The following CACNA2D3 variants were observed in gnomAD, a reference collection of about 807,000 sequenced individuals.
The protein encoded by CACNA2D3 is calcium voltage-gated channel auxiliary subunit alpha2delta 3.
Under a neutral mutation model 160.6 loss-of-function variants are expected in CACNA2D3, and 60 were observed. The observed-to-expected ratio is 0.37, with a 90% confidence interval of 0.30 to 0.46. The LOEUF is 0.46. Ranked by LOEUF, CACNA2D3 falls within the 20% of genes least tolerant of loss-of-function variation. The pLI, the probability that CACNA2D3 is intolerant of heterozygous loss-of-function variation, is 1.00. For synonymous variants in CACNA2D3, 558 were observed against 492.9 expected, an observed-to-expected ratio of 1.13 and a Z score of -1.75; for missense variants, 1,205 against 1,365.0, an observed-to-expected ratio of 0.88 and a Z score of 1.85.
intron 9 of CACNA2D3, among the ~76,000 whole-genome samples, chr3:54,618,779 T>G (rs1399872643): frequency 2.6e-5 from 4 of 152,136 alleles, no homozygotes; most frequent in African/African-American, 9.7e-5. Flanking sequence ...AGGTGATGGT[T>G]TGATGCAGAC....
At chr3:54,244,734 A>G (rs999416594) in intron 2 of CACNA2D3, among the ~76,000 whole-genome samples, 2 of 152,278 alleles carry the variant, frequency 1.3e-5, no homozygotes, top group Non-Finnish European at 2.9e-5. Flanking sequence ...TATTTAAATC[A>G]AACAGCAATT....
intron 4 of CACNA2D3, among the ~76,000 whole-genome samples, chr3:54,422,816 A>G (rs968985965): frequency 1.9e-4 from 29 of 152,318 alleles, no homozygotes; most frequent in African/African-American, 6.5e-4. Context: ...ACGCCTTGCA[A>G]TCTGCCTACA....
At chr3:54,400,646 C>G (rs1699441916) in intron 4 of CACNA2D3, among the ~76,000 whole-genome samples, 1 of 152,144 alleles carries the variant, frequency 6.6e-6, no homozygotes, top group Admixed American at 6.5e-5. Context: ...TTGATCACAG[C>G]TGAAGAAGCT....
intron 10 of CACNA2D3, among the ~76,000 whole-genome samples, chr3:54,641,501 G>A (rs536289024): frequency 7.2e-5 from 11 of 152,188 alleles, no homozygotes; most frequent in Admixed American, 1.3e-4. Context: ...AGATGTCAAA[G>A]TCTTAGTTGA....
intron 14 of CACNA2D3, among the ~76,000 whole-genome samples, chr3:54,823,242 A>G (rs1356366964): frequency 1.3e-5 from 2 of 152,108 alleles, no homozygotes; most frequent in African/African-American, 4.8e-5. Flanking sequence ...AAGGGGAAAA[A>G]TCAGGGTTTA....
chr3:54,236,118 C>CA (rs1283585569), intron 2 of CACNA2D3, among the ~76,000 whole-genome samples: 12 of 152,174 alleles, frequency 7.9e-5, no homozygotes, highest in Admixed American at 3.3e-4. Flanking sequence ...GAATACTCTA[C>CA]AAAATACCTG....
At chr3:55,010,547 A>G (rs1703188039) in intron 34 of CACNA2D3, among the ~76,000 whole-genome samples, 1 of 152,106 alleles carries the variant, frequency 6.6e-6, no homozygotes, top group African/African-American at 2.4e-5. Flanking sequence ...CTCATGTGCT[A>G]TTTCTCAGAT....
chr3:55,067,109 G>GGA (rs3061783), intron 35 of CACNA2D3, among the ~76,000 whole-genome samples: 1 of 151,268 alleles, frequency 6.6e-6, no homozygotes, highest in Admixed American at 6.6e-5. Context: ...AGCGGGGGGG[G>GGA]CTTTTCTCCT....
intron 9 of CACNA2D3, among the ~76,000 whole-genome samples, chr3:54,612,320 A>G (rs1698762589): frequency 6.6e-6 from 1 of 152,202 alleles, no homozygotes; most frequent in Non-Finnish European, 1.5e-5. Flanking sequence ...AAACCCTCTC[A>G]TGGATTCTCC....
At chr3:54,442,644 C>G (rs986393090) in intron 4 of CACNA2D3, among the ~76,000 whole-genome samples, 7 of 152,176 alleles carry the variant, frequency 4.6e-5, no homozygotes, top group African/African-American at 1.7e-4. Flanking sequence ...GTAGCAGCAT[C>G]AAATCTTTAG....
At position 55,028,248 on chromosome 3, in the gene CACNA2D3, TATAAC is replaced by T. The variant is rs572663616; in HGVS notation, c.2987+9935_2987+9939del. On this transcript the variant is annotated intron_variant, in intron 35 of 37. Coordinates refer to ENST00000474759, the MANE Select transcript of CACNA2D3 (RefSeq NM_018398.3). The stretch of plus-strand genomic sequence containing the variant: ...ATGTCTATAGCATAGACAGATCTGT[TATAAC>T]ATACAGGGACAGTATGTAGTGTTTT... Among the ~76,000 whole-genome samples the T allele has an allele frequency of 2.0e-4, 30 of 152,294 alleles. 1 individual carries two copies. In the South Asian group the frequency reaches 6.2e-3, roughly 32 times the overall value.
chr3:55,028,429 T>A (rs886582726), intron 35 of CACNA2D3, among the ~76,000 whole-genome samples: 1 of 152,196 alleles, frequency 6.6e-6, no homozygotes, highest in Non-Finnish European at 1.5e-5. Context: ...ATTAAATTAA[T>A]CTGTTATTCA....
At chr3:54,951,048 A>G (rs776987564) in intron 27 of CACNA2D3, among the ~76,000 whole-genome samples, 7 of 152,244 alleles carry the variant, frequency 4.6e-5, no homozygotes, top group Non-Finnish European at 8.8e-5. Flanking sequence ...AAATTCATAG[A>G]AAATGTAACT....
chr3:54,620,724 C>A (rs998336140), intron 9 of CACNA2D3, among the ~76,000 whole-genome samples: 5 of 152,132 alleles, frequency 3.3e-5, no homozygotes, highest in African/African-American at 4.8e-5. Context: ...TTATCAGGGA[C>A]GTAGAGAGCT....
chr3:54,837,640 A>G (rs1422902293), intron 15 of CACNA2D3, among the ~76,000 whole-genome samples: 1 of 152,166 alleles, frequency 6.6e-6, no homozygotes, highest in African/African-American at 2.4e-5. Flanking sequence ...GTCTGAAATC[A>G]AGATGTCAGC....
At chr3:54,159,631 T>G (rs1453355847) in intron 2 of CACNA2D3, among the ~76,000 whole-genome samples, 1 of 152,184 alleles carries the variant, frequency 6.6e-6, no homozygotes, top group African/African-American at 2.4e-5. Flanking sequence ...ATCATCAAGT[T>G]CCCATGGGCT....
At chr3:54,223,777 G>A (rs1252456997) in intron 2 of CACNA2D3, among the ~76,000 whole-genome samples, 3 of 151,102 alleles carry the variant, frequency 2.0e-5, no homozygotes, top group South Asian at 2.1e-4. Context: ...GCTTGAACCC[G>A]GGAGGTGGAG....
At chr3:54,392,389 A>G (rs187445213) in intron 4 of CACNA2D3, among the ~76,000 whole-genome samples, 4 of 152,368 alleles carry the variant, frequency 2.6e-5, no homozygotes, top group Admixed American at 2.0e-4. Flanking sequence ...AGCTGTCTCA[A>G]ATAAGTGCCA....
At chr3:55,010,919 C>T (rs552458640) in intron 34 of CACNA2D3, among the ~76,000 whole-genome samples, 1 of 152,222 alleles carries the variant, frequency 6.6e-6, no homozygotes, top group Non-Finnish European at 1.5e-5. Flanking sequence ...GTGTCTTAAA[C>T]ATTGTTCTCT....
Sources: gnomAD v4.1 joint callset for allele counts (sites outside exome capture counted in the v4.1 genomes callset) on GRCh38, gnomAD v4.1.1 for gene constraint, MANE v1.5 for transcripts, NCBI Gene and HGNC (gene_info 2026-07-23, HGNC 2026-07-21) for gene names.